WASHC2C: variants seen among roughly 807,000 people sequenced by gnomAD.
WASHC2C encodes Vaccinia Penetration Factor.
A neutral mutation model predicts 142.2 loss-of-function variants in WASHC2C; 73 were observed. That is an observed-to-expected ratio of 0.51 (90% CI 0.43 to 0.62). WASHC2C has a LOEUF of 0.62. WASHC2C is among the 20% of genes least tolerant of loss of function. WASHC2C has a pLI of 0.00. For missense variants in WASHC2C, 969 were observed against 1,531.7 expected, an observed-to-expected ratio of 0.63 and a Z score of 6.13; for synonymous variants, 337 against 565.5, an observed-to-expected ratio of 0.60 and a Z score of 5.73.
At position 45,743,420 on chromosome 10, in the gene WASHC2C, C is replaced by A. The variant is rs782652854; in HGVS notation, c.559C>A (p.Leu187Ile). ...DLYIDRPLPY[L>I]IGSKLFMEQE... ...ATACATTGATCGTCCTTTACCATAT[C>A]TCATTGGGTCAAAGCTGTTCATGGA... The change falls in exon 6 of 31, where the codon CTC becomes ATC. Residue 187 changes from leucine to isoleucine, a missense_variant. Transcript: ENST00000623400. 1.9e-6 allele frequency: 3 copies of A among 1,611,778 alleles called. No homozygotes were observed. In the South Asian group the frequency reaches 3.3e-5, roughly 18 times the overall value.
At chr10:45,786,872 G>C (rs1217210373) in intron 27 of WASHC2C, 163 bp from the exon 28 acceptor site, 1 of 1,573,092 alleles carries the variant, frequency 6.4e-7, no homozygotes, top group East Asian at 2.3e-5. Context: ...ATAGGTGTAA[G>C]ACGCTCTGTT....
intron 3 of WASHC2C, among the ~76,000 whole-genome samples, chr10:45,735,965 TAATA>T (rs1317723177): frequency 2.0e-5 from 3 of 152,056 alleles, no homozygotes. Context: ...AAATAATAAA[TAATA>T]AATAAATAAT....
At chr10:45,727,073 G>C, upstream of WASHC2C, 1 of 1,272,892 alleles carries the variant, frequency 7.9e-7, no homozygotes, top group Non-Finnish European at 1.0e-6. Flanking sequence ...CCTGGCGTCA[G>C]CCCCTATCCT....
In WASHC2C at chr10:45,787,043, A is replaced by C; in HGVS notation, c.2883A>C (p.Leu961Phe). 2.5e-6 allele frequency: 4 copies of C among 1,608,930 alleles called. No homozygotes were observed. The highest frequency in any genetic ancestry group is 3.4e-6 in the Non-Finnish European group (4 of 1,177,896). ...TCATTTTTCTTCTTTAGGCAAATTT[A>C]GCGATCAACCCAGCGGCCTTGCTGC... is the stretch of plus-strand genomic sequence containing the variant. ...STRIGKIQAN[L>F]AINPAALLPT... Residue 961 changes from leucine (L) to phenylalanine (F), a missense_variant, in exon 28 of 31, where the codon TTA (leucine) becomes TTC (phenylalanine). Coordinates refer to ENST00000623400, the MANE Select transcript of WASHC2C (RefSeq NM_001330074.2).
At chr10:45,773,162 C>T in intron 20 of WASHC2C, 94 bp from the exon 21 acceptor site, 1 of 544,318 alleles carries the variant, frequency 1.8e-6, no homozygotes, top group South Asian at 2.1e-5. Flanking sequence ...TAGGTGGATT[C>T]CTGTAGGTGC....
rs1554876630 is a variant in WASHC2C at position 45,755,050 on chromosome 10, A to G, written c.1355A>G (p.Asp452Gly). ...PYGPPPTGLF[D>G]DDDGDDDDDF... Reference sequence around the variant, plus strand: ...GGTCCCCCTCCCACTGGCCTCTTTGATGATGATGATGGTGATGATGATGAC... The same window carrying G: ...GGTCCCCCTCCCACTGGCCTCTTTGGTGATGATGATGGTGATGATGATGAC... Residue 452 changes from aspartate to glycine, a missense_variant, in exon 15 of 31, where the codon GAT (aspartate) becomes GGT (glycine). Asp to Gly is a moderately conservative substitution (Grantham distance 94). Coordinates refer to ENST00000623400, the MANE Select transcript of WASHC2C (RefSeq NM_001330074.2). 6.2e-7 allele frequency: 1 copy of G among 1,611,636 alleles called. No individual in the cohort carries two copies. Among genetic ancestry groups the G allele is most frequent in the South Asian group, 1.1e-5 (1 of 90,962 alleles).
intron 7 of WASHC2C, among the ~76,000 whole-genome samples, chr10:45,745,720 GT>G (rs1564722822): frequency 1.3e-4 from 19 of 151,814 alleles, no homozygotes; most frequent in Non-Finnish European, 2.1e-4. Flanking sequence ...ATAGTTGCTC[GT>G]AGCAACTATT....
Position 45,727,287 on chromosome 10 carries a change from G to C in WASHC2C, c.-31G>C. The stretch of plus-strand genomic sequence containing the variant: ...CTGCGGTCCTCGGCCTGTGCTGGCA[G>C]CCTCGGAGCCCACCGAGCCGGGCGG... On this transcript the variant is annotated 5_prime_UTR_variant, in exon 1 of 31. Coordinates refer to ENST00000623400, the MANE Select transcript of WASHC2C (RefSeq NM_001330074.2). 8 of 1,555,556 alleles carry C rather than the reference G, an allele frequency of 5.1e-6. No homozygotes were observed. Among genetic ancestry groups the C allele is most frequent in the Non-Finnish European group, 6.9e-6 (8 of 1,151,416 alleles).
rs554895415 is a variant in WASHC2C, at chr10:45,756,376, G to A, written c.1421-636G>A. 7.0e-4 allele frequency among the ~76,000 whole-genome samples: 106 copies of A among 152,224 alleles called. 1 individual carries two copies. In the East Asian group the frequency reaches 0.011, roughly 16 times the overall value. ...GACAGTTAAAAAGAAAGGGGTCTACGCTTGTTGACTTGGGAAGATTTTGTA... is the reference window on the plus strand; with the variant it reads ...GACAGTTAAAAAGAAAGGGGTCTACACTTGTTGACTTGGGAAGATTTTGTA... On this transcript the variant is annotated intron_variant, in intron 15 of 30. Transcript: ENST00000623400.
chr10:45,735,114 G>A (rs2051057596), intron 3 of WASHC2C, among the ~76,000 whole-genome samples: 1 of 150,972 alleles, frequency 6.6e-6, no homozygotes, highest in Non-Finnish European at 1.5e-5. Flanking sequence ...AAATACTGCA[G>A]ATTTCTAATG....
chr10:45,775,767 C>T (rs1324358012), intron 21 of WASHC2C, among the ~76,000 whole-genome samples: 9 of 151,546 alleles, frequency 5.9e-5, no homozygotes, highest in South Asian at 2.1e-4. Flanking sequence ...CTGCAAGCTC[C>T]GCCTCCCGGG....
chr10:45,737,858 A>C, intron 3 of WASHC2C, 125 bp from the exon 4 acceptor site: 1 of 1,599,198 alleles, frequency 6.3e-7, no homozygotes, highest in Non-Finnish European at 8.5e-7. Context: ...TAGTGGTCTC[A>C]GCCCTTTGCT....
At chr10:45,782,760 A>G (rs2057620940) in intron 23 of WASHC2C, among the ~76,000 whole-genome samples, 1 of 151,956 alleles carries the variant, frequency 6.6e-6, no homozygotes, top group Non-Finnish European at 1.5e-5. Context: ...GTAATAAAAA[A>G]GGCAAAGTAC....
At chr10:45,754,605 A>G in intron 14 of WASHC2C, 60 bp downstream of exon 14, 1 of 1,435,082 alleles carries the variant, frequency 7.0e-7, no homozygotes, top group Non-Finnish European at 9.4e-7. Context: ...TGCATTTCAA[A>G]ATTATCATCT....
At chr10:45,787,793 T>C (rs1167321050) in intron 28 of WASHC2C, among the ~76,000 whole-genome samples, 1 of 152,244 alleles carries the variant, frequency 6.6e-6, no homozygotes, top group African/African-American at 2.4e-5. Context: ...AATGCCCCTC[T>C]CTGTCCACAG....
intron 19 of WASHC2C, among the ~76,000 whole-genome samples, chr10:45,766,104 G>T (rs1222076433): frequency 3.3e-5 from 5 of 152,226 alleles, no homozygotes; most frequent in African/African-American, 1.2e-4. Flanking sequence ...CTAGTTCATG[G>T]TCGAGTCCCT....
At chr10:45,776,323 A>G (rs1380392428) in intron 21 of WASHC2C, among the ~76,000 whole-genome samples, 5 of 152,400 alleles carry the variant, frequency 3.3e-5, no homozygotes, top group Admixed American at 3.3e-4. Flanking sequence ...ATAGAGCTTT[A>G]GTTTTTTCTC....
At chr10:45,768,961 C>A (rs2056270882) in intron 19 of WASHC2C, among the ~76,000 whole-genome samples, 1 of 151,912 alleles carries the variant, frequency 6.6e-6, no homozygotes, top group South Asian at 2.1e-4. Flanking sequence ...GGTCAGAGAG[C>A]CCAGCTGTCT....
chr10:45,762,902 C>T (rs2055312301), intron 17 of WASHC2C, among the ~76,000 whole-genome samples: 1 of 151,638 alleles, frequency 6.6e-6, no homozygotes, highest in South Asian at 2.1e-4. Context: ...CGAGACTCTG[C>T]CTCAAAAAAA....
Sources: gnomAD v4.1 joint callset for allele counts (sites outside exome capture counted in the v4.1 genomes callset) on GRCh38, gnomAD v4.1.1 for gene constraint, MANE v1.5 for transcripts, NCBI Gene and HGNC (gene_info 2026-07-23, HGNC 2026-07-21) for gene names.